KAZN: variants seen among roughly 807,000 people sequenced by gnomAD.
KAZN encodes kazrin, periplakin interacting protein.
Under a neutral mutation model 87.4 loss-of-function variants are expected in KAZN, and 40 were observed. The observed-to-expected ratio is 0.46, with a 90% CI of 0.36 to 0.60. KAZN has a LOEUF of 0.60. Among genes scored for constraint, KAZN ranks in the 20% least tolerant of loss-of-function variants. The pLI is 0.00. For missense variants in KAZN, 898 were observed against 1,073.9 expected, an observed-to-expected ratio of 0.84 and a Z score of 2.29; for synonymous variants, 466 against 458.3, an observed-to-expected ratio of 1.02 and a Z score of -0.22.
At chr1:14,012,082 C>T (rs1640340173) in intron 1 of KAZN, among the ~76,000 whole-genome samples, 1 of 152,136 alleles carries the variant, frequency 6.6e-6, no homozygotes, top group African/African-American at 2.4e-5. Flanking sequence ...CCTACTCTTG[C>T]CAGATGTTCA....
intron 2 of KAZN, among the ~76,000 whole-genome samples, chr1:14,490,060 G>A (rs1414995292): frequency 6.6e-6 from 1 of 152,144 alleles, no homozygotes; most frequent in East Asian, 1.9e-4. Flanking sequence ...TGAAGAGGAA[G>A]GCACATCCAT....
chr1:14,756,638 A>G (rs1644574513), intron 1 of KAZN, among the ~76,000 whole-genome samples: 1 of 152,214 alleles, frequency 6.6e-6, no homozygotes, highest in South Asian at 2.1e-4. Flanking sequence ...CACTGTTTAT[A>G]AGGCAGCCTC....
intron 2 of KAZN, among the ~76,000 whole-genome samples, chr1:14,557,619 GGTGTGTGTGGGTGTGT>G (rs1174130500): frequency 4.3e-5 from 4 of 94,044 alleles, no homozygotes; most frequent in Non-Finnish European, 6.8e-5. Flanking sequence ...AAACCAATAG[GGTGTGTGTGGGTGTGT>G]GTGTGTGTGT....
At chr1:15,067,950 T>A (rs1639326885) in intron 8 of KAZN, 1 of 817,486 alleles carries the variant, frequency 1.2e-6, no homozygotes, top group Non-Finnish European at 1.5e-6. Flanking sequence ...GTAGTTCCTT[T>A]TCATTTCAGT....
chr1:14,955,235 A>G (rs552971977), intron 1 of KAZN, among the ~76,000 whole-genome samples: 1 of 152,232 alleles, frequency 6.6e-6, no homozygotes, highest in African/African-American at 2.4e-5. Flanking sequence ...GTCAGTGCAG[A>G]GGGGAAGGTG....
intron 2 of KAZN, among the ~76,000 whole-genome samples, chr1:14,547,323 T>C (rs537916622): frequency 1.3e-5 from 2 of 152,176 alleles, no homozygotes; most frequent in African/African-American, 4.8e-5. Flanking sequence ...AATTACAGAG[T>C]TTTTTACTTT....
intron 2 of KAZN, among the ~76,000 whole-genome samples, chr1:14,963,445 C>A (rs116672347): frequency 6.6e-6 from 1 of 152,184 alleles, no homozygotes; most frequent in Admixed American, 6.5e-5. Context: ...TGCACAGACA[C>A]GCCTCATCTT....
intron 1 of KAZN, among the ~76,000 whole-genome samples, chr1:14,152,311 A>T (rs527543994): frequency 6.6e-6 from 1 of 152,154 alleles, no homozygotes; most frequent in African/African-American, 2.4e-5. Flanking sequence ...CTCATTAAGC[A>T]TCCGTACCTC....
At chr1:14,407,972 CTCAAT>C (rs1395973740) in intron 2 of KAZN, among the ~76,000 whole-genome samples, 1 of 152,204 alleles carries the variant, frequency 6.6e-6, no homozygotes, top group African/African-American at 2.4e-5. Flanking sequence ...TCACACACCT[CTCAAT>C]TCAATTTATC....
At chr1:14,016,508 C>A (rs560656981) in intron 1 of KAZN, among the ~76,000 whole-genome samples, 1 of 152,170 alleles carries the variant, frequency 6.6e-6, no homozygotes, top group East Asian at 1.9e-4. Flanking sequence ...ATTTGGGCCT[C>A]TTAGCTCTCA....
At chr1:14,159,597 C>A (rs1367854184) in intron 1 of KAZN, among the ~76,000 whole-genome samples, 1 of 152,192 alleles carries the variant, frequency 6.6e-6, no homozygotes, top group African/African-American at 2.4e-5. Flanking sequence ...GGTGCTCTAC[C>A]CCTCAGTGGC....
intron 1 of KAZN, among the ~76,000 whole-genome samples, chr1:14,100,469 G>C (rs1009042735): frequency 6.6e-6 from 1 of 152,192 alleles, no homozygotes; most frequent in African/African-American, 2.4e-5. Flanking sequence ...AAAGGCAAAA[G>C]GCTCATAGCA....
At chr1:15,104,855 TG>T (rs987307924) in intron 13 of KAZN, among the ~76,000 whole-genome samples, 4 of 152,214 alleles carry the variant, frequency 2.6e-5, no homozygotes, top group African/African-American at 9.6e-5. Flanking sequence ...CCTTTATAGA[TG>T]GAGAAACTTC....
rs553922939 is a variant in KAZN at position 14,701,148 on chromosome 1, G to A, written c.226+101925G>A. Reference sequence around the variant, plus strand: ...AATTTTTTTTCTGAGACAGGAAGTCGCTCTGTCACCCAGGCTGCAGTGCAA... The same window carrying A: ...AATTTTTTTTCTGAGACAGGAAGTCACTCTGTCACCCAGGCTGCAGTGCAA... On this transcript the variant is annotated intron_variant, in intron 1 of 14. Coordinates refer to ENST00000376030, the MANE Select transcript of KAZN (RefSeq NM_201628.3). Among the ~76,000 whole-genome samples, 12 of 152,206 alleles carry A rather than the reference G, an allele frequency of 7.9e-5. No homozygotes were observed. The East Asian group carries it at 1.2e-3, about 15-fold the overall frequency.
chr1:14,192,755 G>A (rs1646447184), intron 2 of KAZN, among the ~76,000 whole-genome samples: 1 of 152,172 alleles, frequency 6.6e-6, no homozygotes, highest in South Asian at 2.1e-4. Flanking sequence ...GCCCTACACT[G>A]CATTTTCCCA....
chr1:14,599,037 G>A lies in KAZN; in HGVS notation c.40G>A (p.Gly14Arg). 1 of 1,569,316 alleles carries A rather than the reference G, an allele frequency of 6.4e-7. No homozygotes were observed. The highest frequency in any genetic ancestry group is 8.6e-7 in the Non-Finnish European group (1 of 1,161,856). ...DNKQLALRID[G>R]AVQSASQEVT... ...TAAGCAGCTCGCGCTCCGCATCGAT[G>A]GGGCGGTCCAGTCGGCCAGCCAGGA... The change falls in exon 1 of 15, where the codon GGG becomes AGG. Residue 14 changes from glycine (G) to arginine (R), a missense_variant. Gly to Arg is a moderately radical substitution (Grantham distance 125, BLOSUM62 -2). This residue lies in a region of KAZN where 250 missense variants were observed against 263.0 expected (regional missense o/e 0.95). Coordinates refer to ENST00000376030, the MANE Select transcript of KAZN (RefSeq NM_201628.3). This position sits in a 1 kb window ranked among gnomAD's most constrained non-coding sequence, Gnocchi z 4.4.
At chr1:14,398,357 C>A (rs1663077203) in intron 2 of KAZN, among the ~76,000 whole-genome samples, 1 of 152,230 alleles carries the variant, frequency 6.6e-6, no homozygotes, top group South Asian at 2.1e-4. Context: ...TGATTTTGGG[C>A]AAGGCACCTC....
At chr1:14,854,846 G>A (rs1315735290) in intron 1 of KAZN, among the ~76,000 whole-genome samples, 1 of 152,158 alleles carries the variant, frequency 6.6e-6, no homozygotes, top group African/African-American at 2.4e-5. Flanking sequence ...TTGATAAAGT[G>A]TGAGGCCGAA....
At chr1:14,316,314 G>A (rs770590802) in intron 2 of KAZN, among the ~76,000 whole-genome samples, 2 of 151,840 alleles carry the variant, frequency 1.3e-5, no homozygotes, top group Non-Finnish European at 2.9e-5. Flanking sequence ...CAAGGAATTT[G>A]TGTATTTCAA....
Sources: gnomAD v4.1 joint callset for allele counts (sites outside exome capture counted in the v4.1 genomes callset) on GRCh38, gnomAD v4.1.1 for gene constraint, gnomAD v4.1.1 regional missense constraint, Gnocchi (gnomAD v3.1) non-coding constraint, MANE v1.5 for transcripts, NCBI Gene and HGNC (gene_info 2026-07-23, HGNC 2026-07-21) for gene names.